The following WDR49 variants were observed in gnomAD, a reference collection of about 807,000 sequenced individuals.
The protein encoded by WDR49 is WD repeat domain 49, also known as cilia- and flagella-associated protein 337.
A neutral mutation model predicts 119.5 loss-of-function variants in WDR49; 107 were observed. The ratio of observed to expected loss-of-function variants is 0.90; its 90% CI spans 0.77 to 1.05. The LOEUF (loss-of-function observed/expected upper bound fraction) is 1.05. Among genes scored for constraint, WDR49 ranks in the 50% least tolerant of loss-of-function variants. The probability of loss-of-function intolerance (pLI) is 0.00; values close to 1 mark genes in which losing one functional copy is unlikely to be tolerated. For synonymous variants in WDR49, 425 were observed against 418.8 expected (o/e 1.01, Z -0.18); for missense variants, 1,240 against 1,220.5 (o/e 1.02, Z -0.24).
chr3:167,488,074 A>C (rs1253732480), intron 18 of WDR49, among the ~76,000 whole-genome samples: 1 of 151,782 alleles, frequency 6.6e-6, no homozygotes, highest in Non-Finnish European at 1.5e-5. Flanking sequence ...GCTATTCACA[A>C]TAGCAAAGAC....
intron 18 of WDR49, among the ~76,000 whole-genome samples, chr3:167,480,247 TAA>T (rs1162973369): frequency 8.9e-4 from 49 of 55,084 alleles, no homozygotes; most frequent in African/African-American, 2.0e-3. Context: ...AGACTCTGTC[TAA>T]AAAAAAAAAA....
rs200012006 is a variant in WDR49 at position 167,484,707 on chromosome 3, G to A, written c.3032-5711C>T. On this transcript the variant is annotated intron_variant, in intron 18 of 18. Coordinates refer to ENST00000682715, the MANE Select transcript of WDR49 (RefSeq NM_001366157.1). Reference sequence around the variant, plus strand: ...ATGATGGCAAAAAAAAAAAAAAAAAGTGATGTGTTCTTTTTATAACAAACA... The same window carrying A: ...ATGATGGCAAAAAAAAAAAAAAAAAATGATGTGTTCTTTTTATAACAAACA... Among the ~76,000 whole-genome samples, 733 of 143,158 alleles carry A rather than the reference G, an allele frequency of 5.1e-3. 6 individuals carry two copies. The highest frequency in any genetic ancestry group is 0.018 in the African/African-American group (707 of 38,640). The allele number at this position is 143,158 out of a possible 152,430, so 93.9% of individuals were successfully genotyped here.
In WDR49 at chr3:167,630,239, A is replaced by G. The variant is rs376716407; in HGVS notation, c.166-2947T>C. Among the ~76,000 whole-genome samples, 8 of 152,262 alleles carry G rather than the reference A, an allele frequency of 5.3e-5. No individual in the cohort carries two copies. In the South Asian group the frequency reaches 1.7e-3, roughly 32 times the overall value. On this transcript the variant is annotated intron_variant, in intron 2 of 18. Transcript: ENST00000682715. ...CCCTGATCAGTCAGCAGACATCAAC[A>G]TCAAAGCAAGACCCTTCACTAACAA...
chr3:167,547,071 T>C (rs538147293), intron 10 of WDR49, among the ~76,000 whole-genome samples: 1 of 151,846 alleles, frequency 6.6e-6, no homozygotes, highest in Non-Finnish European at 1.5e-5. Context: ...CTGCCCCCTC[T>C]TTCCCTCCAA....
At chr3:167,532,520 C>T (rs1752885917) in intron 12 of WDR49, among the ~76,000 whole-genome samples, 1 of 151,978 alleles carries the variant, frequency 6.6e-6, no homozygotes, top group Non-Finnish European at 1.5e-5. Context: ...ATCGAGTGAA[C>T]ATGAATTTCC....
chr3:167,534,060 T>C (rs1257586256), intron 11 of WDR49, among the ~76,000 whole-genome samples: 2 of 151,188 alleles, frequency 1.3e-5, no homozygotes, highest in South Asian at 2.1e-4. Context: ...CTGGGTGTGG[T>C]GGCATGTGCC....
chr3:167,623,967 G>A (rs1412671216), intron 3 of WDR49, among the ~76,000 whole-genome samples: 2 of 151,840 alleles, frequency 1.3e-5, no homozygotes, highest in Non-Finnish European at 2.9e-5. Context: ...AAACTGAGAT[G>A]CAGTTTTTAC....
At chr3:167,571,024 CA>C (rs202109133) in intron 8 of WDR49, among the ~76,000 whole-genome samples, 16,448 of 84,192 alleles carry the variant, frequency 0.2, 1,244 homozygotes, top group African/African-American at 0.34. Context: ...GACTCCATCT[CA>C]AAAAAAAAAA....
intron 3 of WDR49, among the ~76,000 whole-genome samples, chr3:167,626,509 A>T (rs1425571746): frequency 6.6e-6 from 1 of 152,050 alleles, no homozygotes; most frequent in African/African-American, 2.4e-5. Context: ...TCAAAATTAG[A>T]TAAGCAGTTC....
intron 6 of WDR49, among the ~76,000 whole-genome samples, chr3:167,604,063 T>TA (rs376091634): frequency 2.3e-4 from 34 of 149,198 alleles, no homozygotes; most frequent in Middle Eastern, 3.4e-3. Context: ...CAATTGTAAT[T>TA]AAAAAAAAAA....
At chr3:167,545,828 A>G (rs1712155646) in intron 10 of WDR49, among the ~76,000 whole-genome samples, 1 of 150,790 alleles carries the variant, frequency 6.6e-6, no homozygotes, top group South Asian at 2.1e-4. Context: ...TTTCCTTGCA[A>G]CCAAACACCA....
At chr3:167,494,151 A>C (rs1347242534) in intron 18 of WDR49, among the ~76,000 whole-genome samples, 1 of 152,198 alleles carries the variant, frequency 6.6e-6, no homozygotes, top group African/African-American at 2.4e-5. Flanking sequence ...AGAGGCAGGC[A>C]TCATTATCCC....
chr3:167,565,108 G>A (rs1271672697), intron 8 of WDR49, among the ~76,000 whole-genome samples: 1 of 152,126 alleles, frequency 6.6e-6, no homozygotes, highest in African/African-American at 2.4e-5. Flanking sequence ...GAGGTGAAGA[G>A]AATGATGATA....
At position 167,602,159 on chromosome 3, in the gene WDR49, T is replaced by C. The variant is rs1186077271; in HGVS notation, c.1243A>G (p.Arg415Gly). 2.5e-6 allele frequency: 4 copies of C among 1,599,624 alleles called. No individual in the cohort carries two copies. The highest frequency in any genetic ancestry group is 3.4e-6 in the Non-Finnish European group (4 of 1,169,802). The change falls in exon 7 of 19, where the codon AGA becomes GGA. Residue 415 changes from arginine to glycine, a missense_variant. By Grantham distance (125) the Arg-to-Gly change is moderately radical (BLOSUM62 -2). Transcript: ENST00000682715. ...TTGGAGAAGCTGAAAAGTTGTTTTC[T>C]TTCCACAAAGAATTGGACGGCTATT... Reference protein sequence around the residue: ...SVIAVQFFVERKQLFSFSKDK... With the variant: ...SVIAVQFFVEGKQLFSFSKDK...
intron 14 of WDR49, 43 bp from the exon 15 acceptor site, chr3:167,528,060 G>T (rs1160187340): frequency 6.5e-7 from 1 of 1,536,078 alleles, no homozygotes; most frequent in Non-Finnish European, 8.9e-7. Flanking sequence ...ATTCAAATAT[G>T]AAATGATTAC....
intron 7 of WDR49, among the ~76,000 whole-genome samples, chr3:167,598,560 C>G (rs1715608210): frequency 6.6e-6 from 1 of 152,166 alleles, no homozygotes; most frequent in African/African-American, 2.4e-5. Flanking sequence ...CACTCTCTTT[C>G]TCCTGCTGCC....
chr3:167,544,065 CA>C (rs201464799), intron 10 of WDR49, among the ~76,000 whole-genome samples: 33 of 143,890 alleles, frequency 2.3e-4, no homozygotes, highest in East Asian at 6.1e-4. Flanking sequence ...AAGACAGCTG[CA>C]AAAAAAAAAA....
intron 17 of WDR49, among the ~76,000 whole-genome samples, chr3:167,504,977 C>T (rs975198899): frequency 2.6e-4 from 40 of 152,192 alleles, no homozygotes; most frequent in African/African-American, 9.6e-4. Flanking sequence ...ATTATGGTTC[C>T]TGTACAGCCT....
Position 167,548,641 on chromosome 3 carries a change from A to G in WDR49, c.1823+6009T>C, listed in dbSNP as rs117457071. 1.3e-3 allele frequency among the ~76,000 whole-genome samples: 205 copies of G among 152,130 alleles called. 4 individuals are homozygous for G. The East Asian group carries it at 0.031, about 23-fold the overall frequency. On this transcript the variant is annotated intron_variant, in intron 10 of 18. Coordinates refer to ENST00000682715, the MANE Select transcript of WDR49 (RefSeq NM_001366157.1). ...TATGATACCAGCATCTTATCTTTAC[A>G]GGCTCACAGGGAAAAGATGTAACTC...
Sources: gnomAD v4.1 joint callset for allele counts (sites outside exome capture counted in the v4.1 genomes callset) on GRCh38, gnomAD v4.1.1 for gene constraint, MANE v1.5 for transcripts, NCBI Gene and HGNC (gene_info 2026-07-23, HGNC 2026-07-21) for gene names.